The following NKAIN3 variants were observed in gnomAD, a reference collection of about 807,000 sequenced individuals.
NKAIN3 encodes sodium/potassium transporting ATPase interacting 3.
NKAIN3 carries 25 observed loss-of-function variants against 30.2 expected under a neutral mutation model. The ratio of observed to expected loss-of-function variants is 0.83; its 90% CI spans 0.60 to 1.16. The LOEUF (loss-of-function observed/expected upper bound fraction) is 1.16. NKAIN3 is among the 50% of genes most tolerant of loss of function. The pLI, the probability that NKAIN3 is intolerant of heterozygous loss-of-function variation, is 0.00. For synonymous variants in NKAIN3, 91 were observed against 89.6 expected (o/e 1.02, Z -0.09); for missense variants, 225 against 254.1 (o/e 0.89, Z 0.78).
chr8:62,925,775 T>C (rs1343628215), intron 5 of NKAIN3, among the ~76,000 whole-genome samples: 1 of 152,150 alleles, frequency 6.6e-6, no homozygotes, highest in Non-Finnish European at 1.5e-5. Context: ...ACGTCACATT[T>C]CCTTCTTCAC....
intron 1 of NKAIN3, among the ~76,000 whole-genome samples, chr8:62,528,310 TA>T (rs1387459065): frequency 2.2e-5 from 2 of 89,862 alleles, no homozygotes; most frequent in Admixed American, 1.3e-4. Flanking sequence ...TTATATTATA[TA>T]TATATATTAT....
intron 4 of NKAIN3, among the ~76,000 whole-genome samples, chr8:62,773,162 T>C (rs1038749128): frequency 3.3e-5 from 5 of 152,134 alleles, no homozygotes; most frequent in Admixed American, 2.0e-4. Flanking sequence ...TCCCCAATGT[T>C]TTCTTTTGGT....
intron 1 of NKAIN3, among the ~76,000 whole-genome samples, chr8:62,377,459 T>C (rs1157261589): frequency 2.0e-5 from 3 of 152,312 alleles, no homozygotes; most frequent in East Asian, 1.9e-4. Context: ...TTTTCAAGTA[T>C]ATGAATAGCA....
At chr8:62,521,822 C>CT (rs1379759831) in intron 1 of NKAIN3, among the ~76,000 whole-genome samples, 1 of 152,104 alleles carries the variant, frequency 6.6e-6, no homozygotes, top group African/African-American at 2.4e-5. Flanking sequence ...CATCAAATAT[C>CT]TTTTTTCCTG....
chr8:62,927,184 C>G (rs1444859673), intron 5 of NKAIN3, among the ~76,000 whole-genome samples: 2 of 151,896 alleles, frequency 1.3e-5, no homozygotes, highest in East Asian at 1.9e-4. Context: ...TCCTCACCCC[C>G]CTCCCACTCA....
intron 3 of NKAIN3, among the ~76,000 whole-genome samples, chr8:62,678,291 G>T (rs1021384561): frequency 1.3e-4 from 20 of 152,278 alleles, no homozygotes; most frequent in African/African-American, 4.3e-4. Flanking sequence ...CTAATAGGCT[G>T]TAAGAAACTT....
intron 4 of NKAIN3, among the ~76,000 whole-genome samples, chr8:62,760,632 G>A (rs1017574240): frequency 1.4e-5 from 2 of 147,820 alleles, no homozygotes; most frequent in Non-Finnish European, 3.0e-5. Flanking sequence ...GTTGTGGTGT[G>A]GGGGGAGGGG....
chr8:62,977,399 AT>A lies in NKAIN3; in HGVS notation c.*11999del, dbSNP rs1033278251. ...GAGAGGTTCTGTTCATTCCTTTTCC[AT>A]TTTTTTCTTCTAATCTTGTCTTCAT... On this transcript the variant is annotated 3_prime_UTR_variant, in exon 7 of 7. Coordinates refer to ENST00000623646, the MANE Select transcript of NKAIN3 (RefSeq NM_001304533.3). Among the ~76,000 whole-genome samples, 15 of 150,338 alleles carry A rather than the reference AT, an allele frequency of 1.0e-4. No individual in the cohort carries two copies. The highest frequency in any genetic ancestry group is 3.7e-4 in the African/African-American group (15 of 40,862).
chr8:62,659,319 G>C (rs555281733), intron 3 of NKAIN3, among the ~76,000 whole-genome samples: 1 of 152,070 alleles, frequency 6.6e-6, no homozygotes, highest in South Asian at 2.1e-4. Context: ...GGAGGGTAGA[G>C]TGAACAGAAC....
intron 4 of NKAIN3, among the ~76,000 whole-genome samples, chr8:62,763,259 A>AAAAAAAAAC (rs1563551311): frequency 2.0e-4 from 28 of 140,458 alleles, no homozygotes; most frequent in African/African-American, 7.7e-4. Flanking sequence ...AAAAAAAAAA[A>AAAAAAAAAC]AACTTATATA....
chr8:62,546,113 G>T lies in NKAIN3; in HGVS notation c.55-33426G>T, dbSNP rs567059736. Among the ~76,000 whole-genome samples, 30 of 152,296 alleles carry T rather than the reference G, an allele frequency of 2.0e-4. No individual in the cohort carries two copies. In the South Asian group the frequency reaches 4.8e-3, roughly 24 times the overall value. On this transcript the variant is annotated intron_variant, in intron 1 of 6. Coordinates refer to ENST00000623646, the MANE Select transcript of NKAIN3 (RefSeq NM_001304533.3). ...TGGTTGTCTGACATTCTGGATAGCA[G>T]ATGAAAAGCTACATTCCCCAGCATG...
intron 4 of NKAIN3, among the ~76,000 whole-genome samples, chr8:62,810,939 A>G (rs1418707269): frequency 1.3e-5 from 2 of 152,150 alleles, no homozygotes; most frequent in African/African-American, 4.8e-5. Context: ...GCCGAACTAT[A>G]GTACAATATT....
chr8:62,851,827 G>A (rs1819908588), intron 4 of NKAIN3, among the ~76,000 whole-genome samples: 1 of 152,122 alleles, frequency 6.6e-6, no homozygotes, highest in Non-Finnish European at 1.5e-5. Context: ...TGGTGGATAA[G>A]CTTTTTGATG....
At chr8:62,298,083 A>C (rs1813901812) in intron 1 of NKAIN3, among the ~76,000 whole-genome samples, 1 of 150,126 alleles carries the variant, frequency 6.7e-6, no homozygotes, top group Non-Finnish European at 1.5e-5. Flanking sequence ...ACAAAAAACC[A>C]AACACCACAT....
At chr8:62,993,329 T>C (rs1346377109) in intron 5 of NKAIN3, among the ~76,000 whole-genome samples, 2 of 152,248 alleles carry the variant, frequency 1.3e-5, no homozygotes, top group African/African-American at 2.4e-5. Flanking sequence ...TAGTATTTTT[T>C]ACATTGTAAT....
chr8:62,485,743 A>T (rs573043177), intron 1 of NKAIN3, among the ~76,000 whole-genome samples: 37 of 152,296 alleles, frequency 2.4e-4, no homozygotes, highest in Non-Finnish European at 4.1e-4. Context: ...AGAGACTAAA[A>T]TCTAAACCGG....
At chr8:62,557,728 T>G (rs1809451351) in intron 1 of NKAIN3, among the ~76,000 whole-genome samples, 1 of 152,174 alleles carries the variant, frequency 6.6e-6, no homozygotes, top group African/African-American at 2.4e-5. Flanking sequence ...TCTATTCATG[T>G]TCTTAGCCTG....
intron 4 of NKAIN3, among the ~76,000 whole-genome samples, chr8:62,760,218 C>A (rs565053960): frequency 6.6e-6 from 1 of 152,084 alleles, no homozygotes; most frequent in African/African-American, 2.4e-5. Context: ...GTCAGTGTGG[C>A]GATTCCTCAG....
At chr8:62,840,732 T>C (rs939627735) in intron 4 of NKAIN3, among the ~76,000 whole-genome samples, 1 of 152,258 alleles carries the variant, frequency 6.6e-6, no homozygotes, top group Non-Finnish European at 1.5e-5. Context: ...TATATTTAAA[T>C]GTTGGCAACT....
Sources: allele counts gnomAD v4.1 joint callset (sites outside exome capture counted in the v4.1 genomes callset), GRCh38; gene constraint gnomAD v4.1.1; transcripts MANE v1.5; gene names NCBI Gene and HGNC (gene_info 2026-07-23, HGNC 2026-07-21).